Variants in FGF14 observed in about 807,000 individuals in gnomAD.
The protein encoded by FGF14 is fibroblast growth factor homologous factor 4.
In FGF14, 5 loss-of-function variants were observed where a neutral mutation model predicts 25.5. The observed-to-expected ratio is 0.20, with a 90% CI of 0.10 to 0.41. The LOEUF (loss-of-function observed/expected upper bound fraction) is 0.41. Among genes scored for constraint, FGF14 ranks in the 10% least tolerant of loss-of-function variants. The pLI is 1.00. For synonymous variants in FGF14, 138 were observed against 118.3 expected (o/e 1.17, Z -1.08); for missense variants, 222 against 320.1 (o/e 0.69, Z 2.34).
chr13:101,875,354 T>C (rs1283999210), intron 1 of FGF14, 58 bp from the exon 2 acceptor site: 12 of 1,174,996 alleles, frequency 1.0e-5, no homozygotes, highest in Admixed American at 1.7e-5. Flanking sequence ...GTTTCCTTTA[T>C]CTTTTCTGTT....
chr13:101,786,839 T>C (rs1029022414), intron 3 of FGF14, among the ~76,000 whole-genome samples: 2 of 152,174 alleles, frequency 1.3e-5, no homozygotes, highest in African/African-American at 4.8e-5. Context: ...TTAAACCACA[T>C]AGCATTTATA....
rs1227583679 is a variant in FGF14, at chr13:102,340,083, G to GA, written c.208+61387dup. On this transcript the variant is annotated intron_variant, in intron 1 of 4. Transcript: ENST00000376131. ...TGTTTAGTTTATTTTTGAAAAGAAA[G>GA]AAAAAAAACACAGTAATTAGTATCT... Among the ~76,000 whole-genome samples the GA allele has an allele frequency of 4.6e-5, 7 of 151,710 alleles. No individual in the cohort carries two copies. In the East Asian group the frequency reaches 7.7e-4, roughly 17 times the overall value.
intron 1 of FGF14, among the ~76,000 whole-genome samples, chr13:101,974,683 G>A (rs755520359): frequency 2.6e-5 from 4 of 152,116 alleles, no homozygotes; most frequent in Non-Finnish European, 5.9e-5. Flanking sequence ...GACAGCCCTG[G>A]TGATACAAGG....
intron 1 of FGF14, among the ~76,000 whole-genome samples, chr13:101,883,501 G>A (rs1038570403): frequency 3.3e-5 from 5 of 152,148 alleles, no homozygotes; most frequent in African/African-American, 7.2e-5. Flanking sequence ...GGAGCTGAGA[G>A]GAATTTACAA....
chr13:101,751,486 G>T (rs1240277898), intron 3 of FGF14, among the ~76,000 whole-genome samples: 4 of 152,164 alleles, frequency 2.6e-5, no homozygotes, highest in Non-Finnish European at 5.9e-5. Flanking sequence ...GTCTTAATAA[G>T]TTCCACAGTA....
At chr13:102,156,813 T>C (rs1218278559) in intron 1 of FGF14, among the ~76,000 whole-genome samples, 1 of 152,126 alleles carries the variant, frequency 6.6e-6, no homozygotes, top group Non-Finnish European at 1.5e-5. Context: ...TTCAGCAAAG[T>C]CTCAGGATAC....
At chr13:102,331,877 A>G (rs1039687593) in intron 1 of FGF14, among the ~76,000 whole-genome samples, 1 of 152,188 alleles carries the variant, frequency 6.6e-6, no homozygotes, top group African/African-American at 2.4e-5. Flanking sequence ...TCCCCATGGA[A>G]GGGAAAAACT....
At chr13:101,996,141 C>A (rs1040755194) in intron 1 of FGF14, among the ~76,000 whole-genome samples, 5 of 151,894 alleles carry the variant, frequency 3.3e-5, no homozygotes, top group Admixed American at 1.3e-4. Flanking sequence ...ATACTGTGTA[C>A]CCACAAATAT....
chr13:102,356,650 C>G (rs2139011487), intron 1 of FGF14, among the ~76,000 whole-genome samples: 1 of 152,286 alleles, frequency 6.6e-6, no homozygotes, highest in African/African-American at 2.4e-5. Flanking sequence ...CCTCAATGTC[C>G]AAGTCCCACT....
chr13:102,146,801 C>T (rs2046873993), intron 1 of FGF14, among the ~76,000 whole-genome samples: 1 of 152,038 alleles, frequency 6.6e-6, no homozygotes, highest in Non-Finnish European at 1.5e-5. Flanking sequence ...TCCAACCAGC[C>T]CTGGTAATCA....
intron 1 of FGF14, among the ~76,000 whole-genome samples, chr13:102,239,504 G>A (rs1389300597): frequency 6.6e-6 from 1 of 152,080 alleles, no homozygotes; most frequent in Non-Finnish European, 1.5e-5. Flanking sequence ...CAAGGCTTAC[G>A]GAAGACTCCT....
chr13:102,253,191 G>A (rs1414405035), intron 1 of FGF14, among the ~76,000 whole-genome samples: 2 of 152,156 alleles, frequency 1.3e-5, no homozygotes, highest in African/African-American at 4.8e-5. Flanking sequence ...ACGCAGTAAT[G>A]GGATTGCTGG....
In FGF14 at chr13:102,124,228, G is replaced by A. The variant is rs576909147; in HGVS notation, c.209-248932C>T. 6.6e-5 allele frequency among the ~76,000 whole-genome samples: 10 copies of A among 152,216 alleles called. No homozygotes were observed. In the South Asian group the frequency reaches 1.4e-3, roughly 22 times the overall value. ...TGTCCCACTTGAAAGTATTAACTGG[G>A]TTATTAAGAGAAAAGAGGAAAAATT... On this transcript the variant is annotated intron_variant, in intron 1 of 4. Transcript: ENST00000376131.
At chr13:101,815,064 C>A (rs1463459002) in intron 3 of FGF14, among the ~76,000 whole-genome samples, 1 of 152,174 alleles carries the variant, frequency 6.6e-6, no homozygotes, top group Admixed American at 6.5e-5. Context: ...CTCATGCTAT[C>A]AAGTGGAAGA....
intron 1 of FGF14, among the ~76,000 whole-genome samples, chr13:102,185,978 T>C (rs1218290655): frequency 6.6e-6 from 1 of 152,110 alleles, no homozygotes; most frequent in African/African-American, 2.4e-5. Context: ...CAAATGAAAA[T>C]AATAATAATA....
chr13:102,158,064 C>G (rs930239930), intron 1 of FGF14, among the ~76,000 whole-genome samples: 4 of 152,222 alleles, frequency 2.6e-5, no homozygotes, highest in Non-Finnish European at 5.9e-5. Flanking sequence ...TACTTTTACA[C>G]TGTTGGTGGG....
chr13:101,996,009 G>C (rs529962439), intron 1 of FGF14, among the ~76,000 whole-genome samples: 41 of 152,222 alleles, frequency 2.7e-4, no homozygotes, highest in Middle Eastern at 3.4e-3. Flanking sequence ...GAGTATAACT[G>C]AATTGTTTGT....
intron 1 of FGF14, among the ~76,000 whole-genome samples, chr13:101,968,854 C>CTTTT (rs10623595): frequency 2.5e-4 from 33 of 132,096 alleles, no homozygotes; most frequent in Admixed American, 6.2e-4. Context: ...CATCAACAGC[C>CTTTT]TTTTTTTTTT....
chr13:101,839,069 G>A (rs1446631105), intron 3 of FGF14, among the ~76,000 whole-genome samples: 1 of 151,998 alleles, frequency 6.6e-6, no homozygotes, highest in East Asian at 1.9e-4. Flanking sequence ...TGTAGTCAAG[G>A]CTGAACTCTC....
Sources: gnomAD v4.1 joint callset for allele counts (sites outside exome capture counted in the v4.1 genomes callset) on GRCh38, gnomAD v4.1.1 for gene constraint, MANE v1.5 for transcripts, NCBI Gene and HGNC (gene_info 2026-07-23, HGNC 2026-07-21) for gene names.